RGS11: variants seen among roughly 807,000 people sequenced by gnomAD.
RGS11 encodes regulator of G-protein signaling 11.
In RGS11, 86 loss-of-function variants were observed where a neutral mutation model predicts 71.1. That is an observed-to-expected ratio of 1.21 (90% confidence interval 1.02 to 1.45). The LOEUF (loss-of-function observed/expected upper bound fraction) is 1.45. Ranked by LOEUF, RGS11 falls within the 40% of genes most tolerant of loss-of-function variation. The probability of loss-of-function intolerance (pLI) is 0.00; values close to 1 mark genes in which losing one functional copy is unlikely to be tolerated. For missense variants in RGS11, 734 were observed against 635.1 expected (o/e 1.16, Z -1.67); for synonymous variants, 298 against 254.2 (o/e 1.17, Z -1.64).
chr16:275,704 G>A (rs1182344097), intron 1 of RGS11, 145 bp downstream of exon 1: 9 of 441,216 alleles, frequency 2.0e-5, no homozygotes, highest in Admixed American at 1.9e-4. Context: ...AAGGGCCCCA[G>A]GCCTCGCCGC....
chr16:275,466 G>C lies in RGS11; in HGVS notation c.96C>G (p.Pro32=). 2 of 1,590,870 alleles carry C rather than the reference G, an allele frequency of 1.3e-6. No individual in the cohort carries two copies. Among genetic ancestry groups the C allele is most frequent in the Non-Finnish European group, 1.7e-6 (2 of 1,176,024 alleles). ...GGCTCCGCATCTTCACGCCCTGGTC[G>C]GGGTCCTGCATGCTCACGACCACCC... ...MERVVVSMQD[P]DQGVKMRSQR... The change falls in exon 2 of 17, where the codon CCC becomes CCG. Residue 32 remains proline, a synonymous_variant. Transcript: ENST00000397770.
chr16:274,965 C>A lies in RGS11; in HGVS notation c.318+11G>T. On this transcript the variant is annotated intron_variant, in intron 4 of 16. Transcript: ENST00000397770. ...GTCCCACCGGCTCCCACCTGCACCCCCGAGCCTGACCTGGAACCTGTAGGG... is the reference window on the plus strand; with the variant it reads ...GTCCCACCGGCTCCCACCTGCACCCACGAGCCTGACCTGGAACCTGTAGGG... 1 of 1,541,578 alleles carries A rather than the reference C, an allele frequency of 6.5e-7. No homozygotes were observed.
chr16:272,446 G>T, intron 9 of RGS11: 3 of 1,314,770 alleles, frequency 2.3e-6, no homozygotes, highest in Non-Finnish European at 3.0e-6. Flanking sequence ...CTGCTGCGGG[G>T]CTCAGATGCT....
chr16:272,496 T>G, intron 9 of RGS11: 2 of 1,353,922 alleles, frequency 1.5e-6, no homozygotes, highest in Non-Finnish European at 1.9e-6. Flanking sequence ...GGCCTCCACC[T>G]GGAGGGAGGT....
chr16:268,909 G>A lies in RGS11; in HGVS notation c.*360C>T, dbSNP rs761339296. ...TCTTGCTTCCGGGTATTCGCTGGCT[G>A]ATTTACTGGTTTTAGAGATGGGGAT... On this transcript the variant is annotated 3_prime_UTR_variant, in exon 17 of 17. Transcript: ENST00000397770. 9 of 1,550,546 alleles carry A rather than the reference G, an allele frequency of 5.8e-6. No individual in the cohort carries two copies. Among genetic ancestry groups the A allele is most frequent in the Non-Finnish European group, 7.8e-6 (9 of 1,146,986 alleles).
At chr16:271,687 T>A in intron 9 of RGS11, 118 bp from the exon 10 acceptor site, 1 of 1,002,428 alleles carries the variant, frequency 1.0e-6, no homozygotes, top group Non-Finnish European at 1.5e-6. Context: ...GCAGAGATGG[T>A]GGCCCAGGCC....
chr16:271,870 CTT>C (rs1343484103), intron 9 of RGS11: 3 of 458,468 alleles, frequency 6.5e-6, no homozygotes, highest in African/African-American at 2.0e-5. Flanking sequence ...CAGTTTCACT[CTT>C]GTTTCCCAGG....
chr16:270,508 T>C lies in RGS11; in HGVS notation c.1206+15A>G. On this transcript the variant is annotated intron_variant, in intron 15 of 16. Transcript: ENST00000397770. ...GATGACCCCTCCTGCCCCTGCAGGC[T>C]GGCCCAGCACCCACCTTCTTCATGA... The C allele has an allele frequency of 6.3e-7, 1 of 1,592,990 alleles. No individual in the cohort carries two copies. The highest frequency in any genetic ancestry group is 8.6e-7 in the Non-Finnish European group (1 of 1,168,546).
rs2141396032 is a variant in RGS11, at chr16:269,005, G to T, written c.*264C>A. On this transcript the variant is annotated 3_prime_UTR_variant, in exon 17 of 17. Transcript: ENST00000397770. ...GTGGCCTTGGTCTCACCTCTCTTCA[G>T]GTAACAGGCTCTGCCCTGACCCAAG... The T allele has an allele frequency of 6.9e-7, 1 of 1,442,728 alleles. No homozygotes were observed. Among genetic ancestry groups the T allele is most frequent in the East Asian group, 2.5e-5 (1 of 40,448 alleles). 89.4% of individuals were successfully genotyped at this position (1,442,728 alleles called of 1,614,324 possible).
At position 268,640 on chromosome 16, in the gene RGS11, G is replaced by A. The variant is rs191993608; in HGVS notation, c.*629C>T. 94 of 838,076 alleles carry A rather than the reference G, an allele frequency of 1.1e-4. No homozygotes were observed. The African/African-American group carries it at 1.3e-3, about 12-fold the overall frequency. The allele number at this position is 838,076 out of a possible 1,614,324, so 51.9% of individuals were successfully genotyped here. A position where few individuals can be genotyped will look rare whatever the true frequency, so the allele number is the denominator to read the frequency against. ...AAATCGGGGGGGAGGCCGCGGCCTC[G>A]AGGTGGGAAAGCAGGTGCCGGCGCA... On this transcript the variant is annotated 3_prime_UTR_variant, in exon 17 of 17. Coordinates refer to ENST00000397770, the MANE Select transcript of RGS11 (RefSeq NM_183337.3).
chr16:268,745 C>A lies in RGS11; in HGVS notation c.*524G>T. 6.5e-7 allele frequency: 1 copy of A among 1,544,088 alleles called. No homozygotes were observed. Among genetic ancestry groups the A allele is most frequent in the African/African-American group, 1.4e-5 (1 of 73,068 alleles). On this transcript the variant is annotated 3_prime_UTR_variant, in exon 17 of 17. Transcript: ENST00000397770. ...GAAGGCAGTGACCTCGAGGCAGCCT[C>A]AGCACGGCACTCTCTTGGGTCCTCT...
Position 268,659 on chromosome 16 carries a change from C to A in RGS11, c.*610G>T. ...GGCCTCGAGGTGGGAAAGCAGGTGC[C>A]GGCGCACCTGTGGACAAATTCTGGA... On this transcript the variant is annotated 3_prime_UTR_variant, in exon 17 of 17. Coordinates refer to ENST00000397770, the MANE Select transcript of RGS11 (RefSeq NM_183337.3). 9.5e-7 allele frequency: 1 copy of A among 1,055,982 alleles called. No individual in the cohort carries two copies. Among genetic ancestry groups the A allele is most frequent in the Non-Finnish European group, 1.4e-6 (1 of 726,916 alleles). 65.4% of individuals were successfully genotyped at this position (1,055,982 alleles called of 1,614,324 possible).
rs543371112 is a variant in RGS11 at position 275,640 on chromosome 16, C to CGCGGG, written c.64-147_64-143dup. 0.02 allele frequency: 15,383 copies of CGCGGG among 759,526 alleles called. 2,271 individuals carry two copies. In the African/African-American group the frequency reaches 0.29, roughly 14 times the overall value. 47.0% of individuals were successfully genotyped at this position (759,526 alleles called of 1,614,324 possible). A position where few individuals can be genotyped will look rare whatever the true frequency, so the allele number is the denominator to read the frequency against. On this transcript the variant is annotated intron_variant, in intron 1 of 16. Transcript: ENST00000397770. ...TCCAGGCCGCAGCTGGCGGCGGGGACGCGGGGCGGGCCGGGGAGGGCCGGG... is the reference window on the plus strand; with the variant it reads ...TCCAGGCCGCAGCTGGCGGCGGGGACGCGGGGCGGGGCGGGCCGGGGAGGGCCGGG...
chr16:268,885 C>T lies in RGS11; in HGVS notation c.*384G>A. The T allele has an allele frequency of 6.4e-7, 1 of 1,550,568 alleles. No homozygotes were observed. The highest frequency in any genetic ancestry group is 1.2e-5 in the South Asian group (1 of 84,060). ...TGTGGGAAGCCGCCCGCCTGTGCAT[C>T]TTGCTTCCGGGTATTCGCTGGCTGA... On this transcript the variant is annotated 3_prime_UTR_variant, in exon 17 of 17. Transcript: ENST00000397770.
intron 15 of RGS11, chr16:269,913 G>A (rs534468329): frequency 7.5e-6 from 2 of 266,220 alleles, no homozygotes; most frequent in South Asian, 1.4e-4. Flanking sequence ...CAGGGTTGTG[G>A]AGTCAAATAA....
At position 275,319 on chromosome 16, in the gene RGS11, G is replaced by T; in HGVS notation, c.175C>A (p.Gln59Lys). The change falls in exon 3 of 17, where the codon CAG becomes AAG. Residue 59 changes from glutamine (Q) to lysine (K), a missense_variant. Gln to Lys is a moderately conservative substitution (Grantham distance 53). Coordinates refer to ENST00000397770, the MANE Select transcript of RGS11 (RefSeq NM_183337.3). ...ACGCAGAACTTCTGGGCCAACCACT[G>T]CACGACGTCGCTGCCTGCACGGGAG... Reference protein sequence around the residue: ...PHAVTGSDVVQWLAQKFCVSE... With the variant: ...PHAVTGSDVVKWLAQKFCVSE... The T allele has an allele frequency of 6.2e-7, 1 of 1,612,498 alleles. No individual in the cohort carries two copies. Among genetic ancestry groups the T allele is most frequent in the Non-Finnish European group, 8.5e-7 (1 of 1,179,854 alleles).
chr16:273,053 C>T, intron 8 of RGS11, 122 bp from the exon 9 acceptor site: 2 of 921,518 alleles, frequency 2.2e-6, no homozygotes, highest in South Asian at 3.6e-5. Flanking sequence ...CGGGAAGAGT[C>T]CCGACCTAGC....
chr16:270,957 C>G, intron 13 of RGS11, 27 bp downstream of exon 13: 1 of 1,585,622 alleles, frequency 6.3e-7, no homozygotes, highest in Non-Finnish European at 8.6e-7. Context: ...CCCGCTGGGA[C>G]TGGAGCAGGG....
Position 269,052 on chromosome 16 carries a change from C to T in RGS11, c.*217G>A, listed in dbSNP as rs1217446999. On this transcript the variant is annotated 3_prime_UTR_variant, in exon 17 of 17. Transcript: ENST00000397770. ...CAAGCTGAGCCAATGAACCCCCTCCCTGGGAATCCACACCTGGACCCATTC... is the reference window on the plus strand; with the variant it reads ...CAAGCTGAGCCAATGAACCCCCTCCTTGGGAATCCACACCTGGACCCATTC... The T allele has an allele frequency of 9.0e-7, 1 of 1,108,066 alleles. No homozygotes were observed. Among genetic ancestry groups the T allele is most frequent in the Non-Finnish European group, 1.3e-6 (1 of 744,174 alleles). The allele number at this position is 1,108,066 out of a possible 1,614,324, so 68.6% of individuals were successfully genotyped here. A position where few individuals can be genotyped will look rare whatever the true frequency, so the allele number is the denominator to read the frequency against.
Sources: allele counts gnomAD v4.1 joint callset, GRCh38; gene constraint gnomAD v4.1.1; transcripts MANE v1.5; gene names NCBI Gene and HGNC (gene_info 2026-07-23, HGNC 2026-07-21).